CEP295: variants seen among roughly 807,000 people sequenced by gnomAD.
CEP295 encodes centrosomal protein of 295 kDa.
In CEP295, 190 loss-of-function variants were observed where a neutral mutation model predicts 291.6. That is an observed-to-expected ratio of 0.65 (90% confidence interval 0.58 to 0.73). The LOEUF is 0.73. CEP295 is among the 30% of genes least tolerant of loss of function. CEP295 has a pLI of 0.00. For synonymous variants in CEP295, 993 were observed against 1,038.8 expected (o/e 0.96, Z 0.85); for missense variants, 2,863 against 2,949.4 (o/e 0.97, Z 0.68).
rs1334376561 is a variant in CEP295, at chr11:93,723,056, A to G, written c.5963A>G (p.His1988Arg). The change falls in exon 21 of 30, where the codon CAC (histidine) becomes CGC (arginine). Residue 1988 changes from histidine to arginine, a missense_variant. Coordinates refer to ENST00000325212, the MANE Select transcript of CEP295 (RefSeq NM_033395.2). ...CAATTTTCAGAGTCATTTTCAGAGC[A>G]CATGGATGATAGCAAGCAAGAATCT... ...SLTDPESFSE[H>R]MDDSKQESTT... 7 of 1,551,186 alleles carry G rather than the reference A, an allele frequency of 4.5e-6. No individual in the cohort carries two copies.
chr11:93,702,664 T>C, intron 16 of CEP295, 27 bp downstream of exon 16: 2 of 1,532,510 alleles, frequency 1.3e-6, no homozygotes, highest in Non-Finnish European at 1.8e-6. Context: ...TGATTGTAAT[T>C]ATTTCACTGA....
intron 18 of CEP295, among the ~76,000 whole-genome samples, chr11:93,709,854 C>T (rs929334349): frequency 6.6e-6 from 1 of 151,602 alleles, no homozygotes; most frequent in African/African-American, 2.4e-5. Flanking sequence ...TTGTAGAAAT[C>T]TTTCACTTCT....
Position 93,723,224 on chromosome 11 carries a change from T to C in CEP295, c.6131T>C (p.Phe2044Ser). The part of the protein sequence containing the change: ...VDETTCGHTH[F>S]QQMIDKYINE... ...GAAACTACATGTGGTCACACACACTTTCAGCAAATGATAGACAAGTACATT... is the reference window on the plus strand; with the variant it reads ...GAAACTACATGTGGTCACACACACTCTCAGCAAATGATAGACAAGTACATT... Residue 2044 changes from phenylalanine (F) to serine (S), a missense_variant, in exon 21 of 30, where the codon TTT becomes TCT. Phe to Ser is a radical substitution (Grantham distance 155). This residue lies in a region of CEP295 where 2,295 missense variants were observed against 2,335.7 expected (regional missense o/e 0.98). Transcript: ENST00000325212. 1 of 1,551,164 alleles carries C rather than the reference T, an allele frequency of 6.4e-7. No homozygotes were observed. Among genetic ancestry groups the C allele is most frequent in the Non-Finnish European group, 8.7e-7 (1 of 1,146,528 alleles).
intron 13 of CEP295, 42 bp downstream of exon 13, chr11:93,695,676 A>G (rs2135086580): frequency 6.8e-7 from 1 of 1,469,336 alleles, no homozygotes; most frequent in African/African-American, 1.5e-5. Context: ...ATCATTTGGT[A>G]AGGGGGGCAA....
At chr11:93,717,383 G>A (rs943598320) in intron 18 of CEP295, among the ~76,000 whole-genome samples, 6 of 152,202 alleles carry the variant, frequency 3.9e-5, no homozygotes, top group African/African-American at 1.2e-4. Context: ...GACCTGTTGC[G>A]GTGAGGGGGA....
At chr11:93,666,941 T>G in intron 2 of CEP295, 126 bp downstream of exon 2, 1 of 530,224 alleles carries the variant, frequency 1.9e-6, no homozygotes, top group Non-Finnish European at 3.4e-6. Context: ...GCCCTGGTTA[T>G]TTGGTATTAA....
Position 93,729,874 on chromosome 11 carries a change from A to C in CEP295, c.7572A>C (p.Ser2524=). The C allele has an allele frequency of 6.5e-7, 1 of 1,544,678 alleles. No homozygotes were observed. The highest frequency in any genetic ancestry group is 8.7e-7 in the Non-Finnish European group (1 of 1,145,208). Residue 2524 remains serine, a synonymous_variant, in exon 28 of 30, where the codon TCA becomes TCC. Transcript: ENST00000325212. The part of the protein sequence containing the change: ...KTVKEKPSIS[S]SVSRLKGVNK... ...ATTTCACTTTTCTTTCCTCAGGTTC[A>C]TCTGTGAGTCGTCTAAAGGGCGTGA... is the stretch of plus-strand genomic sequence containing the variant.
chr11:93,698,909 T>C lies in CEP295; in HGVS notation c.3997T>C (p.Leu1333=), dbSNP rs1565184870. 1 of 1,551,678 alleles carries C rather than the reference T, an allele frequency of 6.4e-7. No individual in the cohort carries two copies. Among genetic ancestry groups the C allele is most frequent in the African/African-American group, 1.4e-5 (1 of 73,168 alleles). ...IFSSHLQIPQ[L]QDRLLRISQL... is the part of the protein sequence containing the mutation. ...TTCAAGCCACCTTCAGATCCCACAA[T>C]TGCAGGATAGGCTTTTGAGGATATC... Residue 1333 remains leucine (L), a synonymous_variant, in exon 15 of 30, where the codon TTG becomes CTG. Transcript: ENST00000325212.
chr11:93,706,114 G>A (rs1952496977), intron 17 of CEP295, among the ~76,000 whole-genome samples: 1 of 152,308 alleles, frequency 6.6e-6, no homozygotes, highest in Admixed American at 6.5e-5. Flanking sequence ...AGTTTCCTCT[G>A]GGGATGATGT....
chr11:93,687,885 T>C lies in CEP295; in HGVS notation c.1336+20T>C, dbSNP rs1951322759. On this transcript the variant is annotated intron_variant, in intron 10 of 29. Coordinates refer to ENST00000325212, the MANE Select transcript of CEP295 (RefSeq NM_033395.2). ...AACAAGGTATTTCTCTCCAAGAGTCTCATTTTCTATAAACCCTTTTAAGTT... is the reference window on the plus strand; with the variant it reads ...AACAAGGTATTTCTCTCCAAGAGTCCCATTTTCTATAAACCCTTTTAAGTT... 2.6e-6 allele frequency: 4 copies of C among 1,509,938 alleles called. No individual in the cohort carries two copies. Among genetic ancestry groups the C allele is most frequent in the Non-Finnish European group, 8.9e-7 (1 of 1,118,674 alleles). The allele number at this position is 1,509,938 out of a possible 1,614,324, so 93.5% of individuals were successfully genotyped here. A position where few individuals can be genotyped will look rare whatever the true frequency, so the allele number is the denominator to read the frequency against.
intron 10 of CEP295, among the ~76,000 whole-genome samples, chr11:93,688,272 G>T (rs549849647): frequency 7.1e-4 from 108 of 152,264 alleles, no homozygotes; most frequent in Non-Finnish European, 1.2e-3. Flanking sequence ...GCTTTTGAGC[G>T]TGTTGTATTC....
intron 9 of CEP295, among the ~76,000 whole-genome samples, chr11:93,686,506 A>C (rs1227595860): frequency 1.3e-5 from 2 of 152,194 alleles, no homozygotes; most frequent in Admixed American, 1.3e-4. Flanking sequence ...TGTTTGTTTG[A>C]AGCTAGAAAT....
intron 27 of CEP295, 37 bp downstream of exon 27, chr11:93,729,818 G>A (rs762992015): frequency 5.2e-6 from 8 of 1,537,586 alleles, no homozygotes; most frequent in African/African-American, 1.4e-5. Flanking sequence ...CCAACTCCCT[G>A]AAATGTTTAA....
intron 12 of CEP295, among the ~76,000 whole-genome samples, chr11:93,693,720 C>T (rs537874997): frequency 7.2e-5 from 11 of 152,066 alleles, no homozygotes; most frequent in Admixed American, 5.9e-4. Context: ...TGTGCCACTG[C>T]ATTCGCCTGG....
chr11:93,670,600 CT>C (rs751119728), intron 5 of CEP295, among the ~76,000 whole-genome samples: 8 of 152,074 alleles, frequency 5.3e-5, no homozygotes, highest in Non-Finnish European at 7.4e-5. Flanking sequence ...ATACTCACTT[CT>C]TAGGCCTTTC....
At position 93,730,031 on chromosome 11, in the gene CEP295, T is replaced by C; in HGVS notation, c.7668-18T>C. 6.6e-7 allele frequency: 1 copy of C among 1,520,614 alleles called. No individual in the cohort carries two copies. The highest frequency in any genetic ancestry group is 1.4e-5 in the African/African-American group (1 of 71,082). The allele number at this position is 1,520,614 out of a possible 1,614,324, so 94.2% of individuals were successfully genotyped here. Reference sequence around the variant, plus strand: ...TTTTTGCAGTGTTTGTCTCTAATTCTATATAAATTCTTTACAGGTTATACA... The same window carrying C: ...TTTTTGCAGTGTTTGTCTCTAATTCCATATAAATTCTTTACAGGTTATACA... On this transcript the variant is annotated intron_variant, in intron 28 of 29. Coordinates refer to ENST00000325212, the MANE Select transcript of CEP295 (RefSeq NM_033395.2).
At chr11:93,708,461 A>G (rs1223143099) in intron 18 of CEP295, among the ~76,000 whole-genome samples, 2 of 152,142 alleles carry the variant, frequency 1.3e-5, no homozygotes, top group Non-Finnish European at 2.9e-5. Context: ...AGTTCCATCC[A>G]TGTTATTGCA....
Position 93,727,279 on chromosome 11 carries a change from C to A in CEP295, c.6803C>A (p.Thr2268Lys), listed in dbSNP as rs1358998945. ...PCGSNSSECS[T>K]KHQLESRKES... ...GGTTCTAACTCTAGTGAGTGCTCAA[C>A]AAAACACCAACTAGAAAGCAGAAAG... The change falls in exon 24 of 30, where the codon ACA (threonine) becomes AAA (lysine). Residue 2268 changes from threonine to lysine, a missense_variant. By Grantham distance (78) the Thr-to-Lys change is moderately conservative (BLOSUM62 -1). Coordinates refer to ENST00000325212, the MANE Select transcript of CEP295 (RefSeq NM_033395.2). 1.9e-6 allele frequency: 3 copies of A among 1,551,520 alleles called. No homozygotes were observed. Among genetic ancestry groups the A allele is most frequent in the African/African-American group, 2.7e-5 (2 of 73,016 alleles).
intron 5 of CEP295, among the ~76,000 whole-genome samples, chr11:93,670,909 G>A (rs1169042700): frequency 6.6e-6 from 1 of 152,142 alleles, no homozygotes; most frequent in African/African-American, 2.4e-5. Flanking sequence ...TTGAGGCAGA[G>A]TCTTGCTCTG....
Sources: gnomAD v4.1 joint callset for allele counts (sites outside exome capture counted in the v4.1 genomes callset) on GRCh38, gnomAD v4.1.1 for gene constraint, gnomAD v4.1.1 regional missense constraint, MANE v1.5 for transcripts, NCBI Gene and HGNC (gene_info 2026-07-23, HGNC 2026-07-21) for gene names.